ZNF804B: variants seen among roughly 807,000 people sequenced by gnomAD.
ZNF804B encodes the protein zinc finger 804B.
In ZNF804B, 80 loss-of-function variants were observed where a neutral mutation model predicts 101.4. The observed-to-expected ratio is 0.79, with a 90% CI of 0.66 to 0.95. The LOEUF is 0.95. Among genes scored for constraint, ZNF804B ranks in the 40% least tolerant of loss-of-function variants. The pLI, the probability that ZNF804B is intolerant of heterozygous loss-of-function variation, is 0.00. For synonymous variants in ZNF804B, 622 were observed against 558.8 expected (o/e 1.11, Z -1.59); for missense variants, 1,673 against 1,561.9 (o/e 1.07, Z -1.20).
intron 1 of ZNF804B, among the ~76,000 whole-genome samples, chr7:89,216,336 G>A (rs192532256): frequency 6.6e-6 from 1 of 152,144 alleles, no homozygotes; most frequent in Admixed American, 6.5e-5. Flanking sequence ...TAGTGAGAAA[G>A]AGTGGAGAAA....
chr7:88,941,603 T>C (rs751244232), intron 1 of ZNF804B, among the ~76,000 whole-genome samples: 11 of 151,840 alleles, frequency 7.2e-5, no homozygotes, highest in Non-Finnish European at 1.5e-4. Context: ...TGTTAGGGAT[T>C]AGGAGGAGAA....
intron 1 of ZNF804B, among the ~76,000 whole-genome samples, chr7:89,005,785 GTCA>G (rs1241648760): frequency 6.6e-6 from 1 of 152,000 alleles, no homozygotes; most frequent in East Asian, 1.9e-4. Flanking sequence ...TCTCACCTCT[GTCA>G]TTACATTGCA....
intron 1 of ZNF804B, among the ~76,000 whole-genome samples, chr7:89,211,987 T>C (rs1788812148): frequency 6.6e-6 from 1 of 152,138 alleles, no homozygotes; most frequent in African/African-American, 2.4e-5. Flanking sequence ...CATGGAATGT[T>C]TTTCCATTTG....
intron 1 of ZNF804B, among the ~76,000 whole-genome samples, chr7:89,167,325 C>T (rs758418701): frequency 7.3e-5 from 11 of 151,306 alleles, no homozygotes; most frequent in Non-Finnish European, 1.5e-4. Flanking sequence ...TGTCTGTAAT[C>T]TCAGCTACTT....
intron 1 of ZNF804B, among the ~76,000 whole-genome samples, chr7:89,016,551 C>T (rs1788563493): frequency 6.7e-6 from 1 of 149,464 alleles, no homozygotes; most frequent in African/African-American, 2.5e-5. Flanking sequence ...CAGCTTTCTA[C>T]ATATGGCTAG....
chr7:88,952,186 A>G (rs992298962), intron 1 of ZNF804B, among the ~76,000 whole-genome samples: 5 of 151,760 alleles, frequency 3.3e-5, no homozygotes, highest in Admixed American at 6.6e-5. Flanking sequence ...TGAGCTGTAC[A>G]TATCAGTATG....
Position 89,220,162 on chromosome 7 carries a change from C to CATGTATATAT in ZNF804B, c.249+1867_249+1868insATGTATATAT, listed in dbSNP as rs1219530870. Among the ~76,000 whole-genome samples the CATGTATATAT allele has an allele frequency of 2.6e-4, 33 of 129,382 alleles. 6 individuals carry two copies. Among genetic ancestry groups the CATGTATATAT allele is most frequent in the African/African-American group, 9.2e-4 (30 of 32,586 alleles). 84.9% of individuals were successfully genotyped at this position (129,382 alleles called of 152,430 possible). ...ATGTGTGTATATACATATATATATA[C>CATGTATATAT]GCACATATATATGTGTGTATATATA... On this transcript the variant is annotated intron_variant, in intron 2 of 3. Transcript: ENST00000333190.
At chr7:89,216,881 G>T (rs921957697) in intron 1 of ZNF804B, among the ~76,000 whole-genome samples, 4 of 152,140 alleles carry the variant, frequency 2.6e-5, no homozygotes, top group African/African-American at 9.7e-5. Context: ...TCTTTAGTTT[G>T]TTCATTCATT....
At chr7:88,911,134 T>C (rs780291391) in intron 1 of ZNF804B, among the ~76,000 whole-genome samples, 5 of 151,996 alleles carry the variant, frequency 3.3e-5, no homozygotes, top group Non-Finnish European at 5.9e-5. Flanking sequence ...AGGATAACAG[T>C]TTATCTGAAG....
chr7:89,113,279 G>A (rs1453705827), intron 1 of ZNF804B, among the ~76,000 whole-genome samples: 2 of 152,094 alleles, frequency 1.3e-5, no homozygotes, highest in Admixed American at 6.6e-5. Context: ...CTGTGTGATG[G>A]GATCATCGTA....
intron 1 of ZNF804B, among the ~76,000 whole-genome samples, chr7:88,820,277 A>G (rs190393127): frequency 5.3e-5 from 8 of 152,298 alleles, no homozygotes; most frequent in Non-Finnish European, 1.0e-4. Context: ...AAAAAATACA[A>G]TAGACTTTTT....
intron 2 of ZNF804B, among the ~76,000 whole-genome samples, chr7:89,265,303 C>CGCGT (rs1554386428): frequency 0.19 from 25,448 of 135,650 alleles, 3,017 homozygotes; most frequent in East Asian, 0.65. Context: ...TGCGCGTGCG[C>CGCGT]GCGCGCACAC....
chr7:88,845,264 T>G (rs531314554), intron 1 of ZNF804B, among the ~76,000 whole-genome samples: 15 of 150,696 alleles, frequency 1.0e-4, no homozygotes, highest in Non-Finnish European at 1.9e-4. Flanking sequence ...AGCACACACA[T>G]ATGCGCATGT....
At chr7:89,066,263 C>T (rs928706022) in intron 1 of ZNF804B, among the ~76,000 whole-genome samples, 4 of 152,062 alleles carry the variant, frequency 2.6e-5, no homozygotes, top group Non-Finnish European at 5.9e-5. Flanking sequence ...GTAGTAATGG[C>T]TTCCCAGGAG....
intron 1 of ZNF804B, among the ~76,000 whole-genome samples, chr7:89,104,037 G>T (rs1790098365): frequency 6.6e-6 from 1 of 152,006 alleles, no homozygotes; most frequent in Non-Finnish European, 1.5e-5. Context: ...AATGTTAATT[G>T]ATTTGCATTT....
chr7:89,009,581 G>T (rs916466567), intron 1 of ZNF804B, among the ~76,000 whole-genome samples: 1 of 152,148 alleles, frequency 6.6e-6, no homozygotes, highest in Admixed American at 6.5e-5. Context: ...ATTAGGAGAA[G>T]GTGGGGCATT....
At chr7:89,209,381 A>C (rs917738395) in intron 1 of ZNF804B, among the ~76,000 whole-genome samples, 2 of 152,204 alleles carry the variant, frequency 1.3e-5, no homozygotes, top group Non-Finnish European at 2.9e-5. Flanking sequence ...GGAAAAGTCA[A>C]ATTTTGTTTA....
chr7:89,227,876 A>C (rs1789120110), intron 2 of ZNF804B, among the ~76,000 whole-genome samples: 1 of 152,208 alleles, frequency 6.6e-6, no homozygotes, highest in Non-Finnish European at 1.5e-5. Flanking sequence ...ACAGGGAAAA[A>C]AATATGTCAT....
chr7:89,049,039 G>A (rs897617500), intron 1 of ZNF804B, among the ~76,000 whole-genome samples: 37 of 151,978 alleles, frequency 2.4e-4, no homozygotes, highest in African/African-American at 8.7e-4. Flanking sequence ...AGTATTTGTA[G>A]TCAGTTTTCC....
Sources: allele counts gnomAD v4.1 joint callset (sites outside exome capture counted in the v4.1 genomes callset), GRCh38; gene constraint gnomAD v4.1.1; transcripts MANE v1.5; gene names NCBI Gene and HGNC (gene_info 2026-07-23, HGNC 2026-07-21).